Variants in MTA3 observed in about 807,000 individuals in gnomAD.
MTA3 encodes the protein metastasis associated 1 family member 3, also known as metastasis-associated protein MTA3.
A neutral mutation model predicts 83.5 loss-of-function variants in MTA3; 34 were observed. The ratio of observed to expected loss-of-function variants is 0.41; its 90% CI spans 0.31 to 0.54. MTA3 has a LOEUF of 0.54. Ranked by LOEUF, MTA3 falls within the 20% of genes least tolerant of loss-of-function variation. The probability of loss-of-function intolerance (pLI) is 0.33; values close to 1 mark genes in which losing one functional copy is unlikely to be tolerated. For missense variants in MTA3, 761 were observed against 726.4 expected, an observed-to-expected ratio of 1.05 and a Z score of -0.55; for synonymous variants, 303 against 252.7, an observed-to-expected ratio of 1.20 and a Z score of -1.89.
chr2:42,533,320 C>T (rs1348247472), intron 2 of MTA3: 3 of 150,824 alleles, frequency 2.0e-5, no homozygotes, highest in Admixed American at 6.6e-5. Flanking sequence ...AACTCCTGAC[C>T]TCAGGAGATC....
At chr2:42,618,163 G>C (rs1685131447) in intron 4 of MTA3, among the ~76,000 whole-genome samples, 1 of 152,050 alleles carries the variant, frequency 6.6e-6, no homozygotes, top group African/African-American at 2.4e-5. Context: ...GCCCAGGCTG[G>C]TCTTGAACAC....
At chr2:42,705,588 C>G (rs1354946393) in intron 12 of MTA3, among the ~76,000 whole-genome samples, 1 of 152,130 alleles carries the variant, frequency 6.6e-6, no homozygotes, top group Non-Finnish European at 1.5e-5. Context: ...CACCTGTAAT[C>G]CCAGCTACTC....
chr2:42,731,162 A>G (rs1166730894), intron 16 of MTA3, among the ~76,000 whole-genome samples: 1 of 151,962 alleles, frequency 6.6e-6, no homozygotes, highest in African/African-American at 2.4e-5. Context: ...TTTTTGTTCC[A>G]TTGACCTTTT....
intron 4 of MTA3, among the ~76,000 whole-genome samples, chr2:42,627,140 G>C (rs1023657056): frequency 2.0e-5 from 3 of 151,622 alleles, no homozygotes; most frequent in African/African-American, 7.3e-5. Flanking sequence ...GCAGTGGCAC[G>C]ATTCGTGGCT....
At chr2:42,621,274 T>G (rs1449632460) in intron 4 of MTA3, among the ~76,000 whole-genome samples, 6 of 152,198 alleles carry the variant, frequency 3.9e-5, no homozygotes, top group Non-Finnish European at 7.3e-5. Flanking sequence ...CAGAGGACCC[T>G]GCAGCCTTCT....
intron 8 of MTA3, among the ~76,000 whole-genome samples, chr2:42,667,190 G>T (rs991997079): frequency 2.0e-5 from 3 of 152,074 alleles, no homozygotes; most frequent in African/African-American, 7.2e-5. Context: ...AGGATTATAG[G>T]TGTATGCCAG....
rs1687553919 is a variant in MTA3 at position 42,639,932 on chromosome 2, T to C, written c.318-241T>C. Reference sequence around the variant, plus strand: ...ATAAAGTATTGCATATTAGGATTTATTGCCTAACACAATTACTCCAACAGG... The same window carrying C: ...ATAAAGTATTGCATATTAGGATTTACTGCCTAACACAATTACTCCAACAGG... On this transcript the variant is annotated intron_variant, in intron 4 of 16. Coordinates refer to ENST00000405094, the MANE Select transcript of MTA3 (RefSeq NM_001330442.2). 2.0e-5 allele frequency among the ~76,000 whole-genome samples: 3 copies of C among 152,204 alleles called. No homozygotes were observed. The South Asian group carries it at 6.2e-4, about 31-fold the overall frequency.
At position 42,754,058 on chromosome 2, in the gene MTA3, A is replaced by G; in HGVS notation, c.*659A>G. 2.0e-6 allele frequency: 2 copies of G among 985,488 alleles called. No individual in the cohort carries two copies. The highest frequency in any genetic ancestry group is 5.2e-4 in the Middle Eastern group (1 of 1,914). 61.0% of individuals were successfully genotyped at this position (985,488 alleles called of 1,614,324 possible). Reference sequence around the variant, plus strand: ...ATTACCGAGGTTCTGACAAAAGATAAGCCTGTAAACTCATCATCTGTGTTT... The same window carrying G: ...ATTACCGAGGTTCTGACAAAAGATAGGCCTGTAAACTCATCATCTGTGTTT... On this transcript the variant is annotated 3_prime_UTR_variant, in exon 17 of 17. Coordinates refer to ENST00000405094, the MANE Select transcript of MTA3 (RefSeq NM_001330442.2).
At chr2:42,495,666 A>G (rs1674097314) in intron 2 of MTA3, among the ~76,000 whole-genome samples, 1 of 152,178 alleles carries the variant, frequency 6.6e-6, no homozygotes, top group South Asian at 2.1e-4. Flanking sequence ...TGCCCACTGA[A>G]ACAATGGGGA....
chr2:42,658,131 C>CAAATACCACT (rs1689340659), intron 7 of MTA3, among the ~76,000 whole-genome samples: 1 of 127,006 alleles, frequency 7.9e-6, no homozygotes, highest in South Asian at 3.0e-4. Flanking sequence ...AGACCACAGT[C>CAAATACCACT]AAATACCACT....
chr2:42,515,997 T>C (rs2374433), intron 2 of MTA3, among the ~76,000 whole-genome samples: 70,791 of 151,354 alleles, frequency 0.47, 17,015 homozygotes, highest in African/African-American at 0.56. Flanking sequence ...CCTGCCACCA[T>C]GCCCGGCTAA....
chr2:42,625,830 G>T (rs540197848), intron 4 of MTA3, among the ~76,000 whole-genome samples: 9 of 150,280 alleles, frequency 6.0e-5, no homozygotes, highest in African/African-American at 2.0e-4. Flanking sequence ...TGCATGCACA[G>T]TTCTGTGTTG....
intron 2 of MTA3, among the ~76,000 whole-genome samples, chr2:42,523,246 A>T (rs1398502068): frequency 2.0e-5 from 3 of 152,146 alleles, no homozygotes; most frequent in African/African-American, 4.8e-5. Context: ...ATGCCCCCCA[A>T]ATCCACTCTC....
At position 42,662,953 on chromosome 2, in the gene MTA3, A is replaced by G. The variant is rs149197675; in HGVS notation, c.702+3091A>G. Reference sequence around the variant, plus strand: ...ACCGTGTTGGTCAGGCTGGTCTCGAATTCCTGACCTCGTGATCTGCCCACT... The same window carrying G: ...ACCGTGTTGGTCAGGCTGGTCTCGAGTTCCTGACCTCGTGATCTGCCCACT... On this transcript the variant is annotated intron_variant, in intron 8 of 16. Transcript: ENST00000405094. 7.4e-3 allele frequency among the ~76,000 whole-genome samples: 1,097 copies of G among 148,432 alleles called. 11 individuals are homozygous for G. The highest frequency in any genetic ancestry group is 0.015 in the Admixed American group (220 of 14,556).
At chr2:42,742,207 C>G (rs1039316972) in intron 16 of MTA3, among the ~76,000 whole-genome samples, 7 of 151,170 alleles carry the variant, frequency 4.6e-5, no homozygotes, top group Admixed American at 3.3e-4. Context: ...GGCATGATCT[C>G]AGCTCACTGC....
At chr2:42,643,621 A>G (rs1687900726) in intron 5 of MTA3, among the ~76,000 whole-genome samples, 1 of 152,230 alleles carries the variant, frequency 6.6e-6, no homozygotes, top group African/African-American at 2.4e-5. Context: ...TATTATTATA[A>G]CAGTAAACCA....
intron 16 of MTA3, among the ~76,000 whole-genome samples, chr2:42,740,595 G>A (rs909162753): frequency 1.5e-4 from 23 of 152,224 alleles, no homozygotes; most frequent in African/African-American, 5.3e-4. Flanking sequence ...TTGTGCTAGC[G>A]CACATGAAAA....
chr2:42,499,778 A>G (rs1246641548), intron 2 of MTA3, among the ~76,000 whole-genome samples: 4 of 151,900 alleles, frequency 2.6e-5, no homozygotes, highest in Admixed American at 6.6e-5. Context: ...ACAGAGGGAA[A>G]AAAAAAAAGG....
chr2:42,679,415 A>AC (rs1691669883), intron 8 of MTA3, among the ~76,000 whole-genome samples: 1 of 152,218 alleles, frequency 6.6e-6, no homozygotes, highest in Non-Finnish European at 1.5e-5. Flanking sequence ...TGAAAACCGC[A>AC]CAGAAAGGCC....
Sources: allele counts gnomAD v4.1 joint callset (sites outside exome capture counted in the v4.1 genomes callset), GRCh38; gene constraint gnomAD v4.1.1; transcripts MANE v1.5; gene names NCBI Gene and HGNC (gene_info 2026-07-23, HGNC 2026-07-21).